The following MAGED1 variants were observed in gnomAD, a reference collection of about 807,000 sequenced individuals.
MAGED1 encodes the protein melanoma-associated antigen D1.
Under a neutral mutation model 54.1 loss-of-function variants are expected in MAGED1, and 3 were observed. The ratio of observed to expected loss-of-function variants is 0.06; its 90% CI spans 0.03 to 0.14. The LOEUF is 0.14. MAGED1 is among the 10% of genes least tolerant of loss of function. The pLI is 1.00. For missense variants in MAGED1, 485 were observed against 623.4 expected (o/e 0.78, Z 2.36); for synonymous variants, 217 against 227.3 (o/e 0.95, Z 0.41).
upstream of MAGED1, among the ~76,000 whole-genome samples, chrX:51,891,090 C>T (rs1248908316): frequency 1.8e-5 from 2 of 111,979 alleles, no homozygotes; most frequent in Admixed American, 9.5e-5. Flanking sequence ...TTTAAAAGAA[C>T]GAATCACAGG....
At chrX:51,894,020 A>G (rs782348163) in intron 1 of MAGED1, among the ~76,000 whole-genome samples, 10 of 108,365 alleles carry the variant, frequency 9.2e-5, no homozygotes, top group African/African-American at 3.4e-4. Flanking sequence ...GCGAATCCCA[A>G]CCCAACCGCA....
intron 1 of MAGED1, among the ~76,000 whole-genome samples, chrX:51,888,224 A>C (rs781844568): frequency 2.7e-5 from 3 of 111,732 alleles, no homozygotes; most frequent in African/African-American, 9.8e-5. Flanking sequence ...CTTATTTTAC[A>C]TTGCATTCCT....
intron 1 of MAGED1, among the ~76,000 whole-genome samples, chrX:51,819,566 C>T (rs1459394316): frequency 2.7e-5 from 3 of 110,902 alleles, no homozygotes; most frequent in African/African-American, 9.8e-5. Context: ...TGATGTTGAA[C>T]GTATTTCCAT....
chrX:51,806,155 G>T (rs1405169480), intron 1 of MAGED1, among the ~76,000 whole-genome samples: 1 of 107,902 alleles, frequency 9.3e-6, no homozygotes, highest in Non-Finnish European at 1.9e-5. Context: ...TTTACTTTTA[G>T]TAGAGACGGG....
chrX:51,846,153 C>T (rs782643570), intron 1 of MAGED1, among the ~76,000 whole-genome samples: 1 of 111,748 alleles, frequency 8.9e-6, no homozygotes, highest in South Asian at 3.8e-4. Flanking sequence ...ACATTCTAAT[C>T]CCTGAAACTT....
At chrX:51,887,130 A>G (rs1215179385) in intron 1 of MAGED1, among the ~76,000 whole-genome samples, 3 of 111,456 alleles carry the variant, frequency 2.7e-5, no homozygotes, top group Non-Finnish European at 5.7e-5. Context: ...GTAAATTGAC[A>G]AAACATATGC....
chrX:51,896,404 T>C lies in MAGED1; in HGVS notation c.754-5T>C, dbSNP rs1928749511. 14 of 1,197,456 alleles carry C rather than the reference T, an allele frequency of 1.2e-5. No individual in the cohort carries two copies. Among genetic ancestry groups the C allele is most frequent in the Non-Finnish European group, 1.4e-5 (12 of 887,715 alleles). On this transcript the variant is annotated splice_polypyrimidine_tract_variant and splice_region_variant and intron_variant, in intron 3 of 12. Coordinates refer to ENST00000326587, the MANE Select transcript of MAGED1 (RefSeq NM_006986.4). Reference sequence around the variant, plus strand: ...GTGATTCTGAACTTCTCTCTGATGATGCAGATTAATAACTTGAATGTTGAA... The same window carrying C: ...GTGATTCTGAACTTCTCTCTGATGACGCAGATTAATAACTTGAATGTTGAA...
At chrX:51,817,230 A>G (rs148669491) in intron 1 of MAGED1, among the ~76,000 whole-genome samples, 1,198 of 112,063 alleles carry the variant, frequency 0.011, 14 homozygotes, top group African/African-American at 0.037. Flanking sequence ...GTAAATTAGA[A>G]TAAGTCTACA....
intron 1 of MAGED1, among the ~76,000 whole-genome samples, chrX:51,876,097 G>A (rs953550904): frequency 3.5e-4 from 39 of 111,500 alleles, no homozygotes; most frequent in Admixed American, 6.6e-4. Flanking sequence ...AAATCAGCAC[G>A]AAAAGGCCAT....
intron 1 of MAGED1, among the ~76,000 whole-genome samples, chrX:51,843,610 T>G (rs1557358968): frequency 9.0e-6 from 1 of 111,606 alleles, no homozygotes; most frequent in Non-Finnish European, 1.9e-5. Flanking sequence ...GGGAAGTAAA[T>G]TTTTAGACTT....
intron 1 of MAGED1, among the ~76,000 whole-genome samples, chrX:51,861,081 G>A (rs1305836900): frequency 1.8e-5 from 2 of 111,237 alleles, no homozygotes; most frequent in Non-Finnish European, 3.8e-5. Context: ...TGTTGCAAAA[G>A]AATAAAAAGC....
At position 51,895,058 on chromosome X, in the gene MAGED1, G is replaced by C. The variant is rs1928670953; in HGVS notation, c.51G>C (p.Glu17Asp). The C allele has an allele frequency of 5.0e-6, 6 of 1,199,740 alleles. No homozygotes were observed. The highest frequency in any genetic ancestry group is 6.8e-6 in the Non-Finnish European group (6 of 888,445). Reference sequence around the variant, plus strand: ...TTTCCCCCCTGTGTTTGCAGGCTGAGGCCTCCGTAGAAGACAGCGCCTTGC... The same window carrying C: ...TTTCCCCCCTGTGTTTGCAGGCTGACGCCTCCGTAGAAGACAGCGCCTTGC... ...CGAGLLGFQA[E>D]ASVEDSALLM... Residue 17 changes from glutamate to aspartate, a missense_variant, in exon 3 of 13, where the codon GAG becomes GAC. By Grantham distance (45) the Glu-to-Asp change is conservative (BLOSUM62 2). This residue lies in a region of MAGED1 where 299 missense variants were observed against 293.1 expected (regional missense o/e 1.02). Transcript: ENST00000326587.
chrX:51,880,645 T>A (rs1038307678), intron 1 of MAGED1, among the ~76,000 whole-genome samples: 14 of 111,698 alleles, frequency 1.3e-4, no homozygotes, highest in African/African-American at 4.6e-4. Flanking sequence ...TATGTGGCTC[T>A]TATAGTAGAA....
chrX:51,812,261 G>T (rs782662462), intron 1 of MAGED1, among the ~76,000 whole-genome samples: 66 of 111,706 alleles, frequency 5.9e-4, no homozygotes, highest in African/African-American at 2.1e-3. Flanking sequence ...AGTGGTCATT[G>T]GTCATTTAGA....
At chrX:51,897,154 C>G in intron 4 of MAGED1, 54 bp from the exon 5 acceptor site, 1 of 1,199,691 alleles carries the variant, frequency 8.3e-7, no homozygotes, top group East Asian at 3.0e-5. Context: ...GTAATTCAAC[C>G]AAGTTTTTTT....
chrX:51,860,172 G>A (rs1927228711), intron 1 of MAGED1, among the ~76,000 whole-genome samples: 1 of 109,411 alleles, frequency 9.1e-6, no homozygotes, highest in Non-Finnish European at 1.9e-5. Context: ...GGCTGAGGCA[G>A]GAGAATCGCT....
At chrX:51,898,510 A>G in intron 9 of MAGED1, 71 bp from the exon 10 acceptor site, 1 of 1,032,348 alleles carries the variant, frequency 9.7e-7, no homozygotes, top group Non-Finnish European at 1.3e-6. Context: ...CTCATCTCTG[A>G]CCTCTGTTCT....
chrX:51,813,936 C>T (rs1925313398), intron 1 of MAGED1, among the ~76,000 whole-genome samples: 1 of 111,578 alleles, frequency 9.0e-6, no homozygotes, highest in African/African-American at 3.3e-5. Context: ...CATTGAGGAA[C>T]AGTAGTATGG....
chrX:51,836,050 C>G (rs1183696369), intron 1 of MAGED1, among the ~76,000 whole-genome samples: 2 of 111,514 alleles, frequency 1.8e-5, no homozygotes, highest in Non-Finnish European at 3.8e-5. Context: ...TTATTTACAT[C>G]TCTAAAATTT....
Sources: gnomAD v4.1 joint callset for allele counts (sites outside exome capture counted in the v4.1 genomes callset) on GRCh38, gnomAD v4.1.1 for gene constraint, gnomAD v4.1.1 regional missense constraint, MANE v1.5 for transcripts, NCBI Gene and HGNC (gene_info 2026-07-23, HGNC 2026-07-21) for gene names.